The following GPC5 variants were observed in gnomAD, a reference collection of about 807,000 sequenced individuals.
GPC5 encodes glypican 5, also known as glypican-5.
GPC5 carries 47 observed loss-of-function variants against 53.9 expected under a neutral mutation model. The ratio of observed to expected loss-of-function variants is 0.87; its 90% CI spans 0.69 to 1.11. The LOEUF is 1.11. GPC5 is among the 50% of genes most tolerant of loss of function. The probability of loss-of-function intolerance (pLI) is 0.00; values close to 1 mark genes in which losing one functional copy is unlikely to be tolerated. For missense variants in GPC5, 748 were observed against 713.1 expected (o/e 1.05, Z -0.56); for synonymous variants, 286 against 263.3 (o/e 1.09, Z -0.84).
At chr13:91,882,670 G>GTTTTTTTTTTTTTTTTTTTTGGTT in intron 5 of GPC5, among the ~76,000 whole-genome samples, 1 of 59,322 alleles carries the variant, frequency 1.7e-5, no homozygotes, top group African/African-American at 7.1e-5. Context: ...TGTTTTTTGG[G>GTTTTTTTTTTTTTTTTTTTTGGTT]TTTTTTTTTT....
intron 2 of GPC5, among the ~76,000 whole-genome samples, chr13:91,647,981 G>T (rs2034602398): frequency 6.6e-6 from 1 of 152,300 alleles, no homozygotes; most frequent in East Asian, 1.9e-4. Context: ...TCTGATTGCA[G>T]AGTCAGTCAT....
intron 6 of GPC5, among the ~76,000 whole-genome samples, chr13:92,031,625 A>G (rs528660832): frequency 1.4e-5 from 2 of 139,746 alleles, no homozygotes; most frequent in East Asian, 4.0e-4. Flanking sequence ...ATATGGAACC[A>G]GCCCAAATGC....
At chr13:92,405,412 T>G (rs1162451133) in intron 7 of GPC5, among the ~76,000 whole-genome samples, 1 of 152,218 alleles carries the variant, frequency 6.6e-6, no homozygotes, top group African/African-American at 2.4e-5. Flanking sequence ...TCAACATTTT[T>G]TTGTCATCAT....
At chr13:91,785,566 C>A (rs1300854100) in intron 5 of GPC5, among the ~76,000 whole-genome samples, 1 of 152,172 alleles carries the variant, frequency 6.6e-6, no homozygotes, top group Non-Finnish European at 1.5e-5. Context: ...TATCCAACTG[C>A]TTACTTGGCA....
chr13:92,609,136 A>G lies in GPC5; in HGVS notation c.1562-257146A>G, dbSNP rs118128738. 1.4e-3 allele frequency among the ~76,000 whole-genome samples: 217 copies of G among 152,256 alleles called. 1 individual carries two copies. The highest frequency in any genetic ancestry group is 2.5e-3 in the Non-Finnish European group (170 of 68,020). On this transcript the variant is annotated intron_variant, in intron 7 of 7. Coordinates refer to ENST00000377067, the MANE Select transcript of GPC5 (RefSeq NM_004466.6). Reference sequence around the variant, plus strand: ...GTGTTGTCATACTACATTCTAGCTTATCGTTTGTATTTGAATATTGGTATC... The same window carrying G: ...GTGTTGTCATACTACATTCTAGCTTGTCGTTTGTATTTGAATATTGGTATC...
At chr13:92,161,168 C>T (rs1293788745) in intron 7 of GPC5, among the ~76,000 whole-genome samples, 3 of 152,026 alleles carry the variant, frequency 2.0e-5, no homozygotes, top group African/African-American at 7.3e-5. Flanking sequence ...ATATAACCTG[C>T]ATCAGAATGA....
At chr13:92,127,654 C>CT (rs2041710217) in intron 6 of GPC5, among the ~76,000 whole-genome samples, 1 of 152,140 alleles carries the variant, frequency 6.6e-6, no homozygotes, top group Non-Finnish European at 1.5e-5. Flanking sequence ...TTTCAGCTGT[C>CT]TAAGGGCACA....
intron 5 of GPC5, among the ~76,000 whole-genome samples, chr13:91,766,556 T>G (rs1052583801): frequency 2.6e-5 from 4 of 152,162 alleles, no homozygotes; most frequent in African/African-American, 9.7e-5. Flanking sequence ...GTGCATCACT[T>G]TTCTTAACTT....
chr13:92,437,609 T>C (rs1370805242), intron 7 of GPC5, among the ~76,000 whole-genome samples: 2 of 152,164 alleles, frequency 1.3e-5, no homozygotes, highest in Non-Finnish European at 2.9e-5. Context: ...TTTTAGGAAG[T>C]ATGCTATATT....
intron 6 of GPC5, among the ~76,000 whole-genome samples, chr13:91,957,593 A>G (rs1216325897): frequency 6.6e-6 from 1 of 152,210 alleles, no homozygotes; most frequent in Non-Finnish European, 1.5e-5. Context: ...TAAAGGAACA[A>G]TCAGCAGATT....
chr13:91,691,908 A>T (rs186474963), intron 2 of GPC5, among the ~76,000 whole-genome samples: 1 of 152,170 alleles, frequency 6.6e-6, no homozygotes, highest in African/African-American at 2.4e-5. Flanking sequence ...GGTTGGGACT[A>T]TAGGAGATAA....
At chr13:91,706,543 T>C (rs1002595831) in intron 3 of GPC5, among the ~76,000 whole-genome samples, 1 of 152,194 alleles carries the variant, frequency 6.6e-6, no homozygotes, top group Non-Finnish European at 1.5e-5. Context: ...TTTAGAGTCA[T>C]ATTTTTAATT....
intron 7 of GPC5, among the ~76,000 whole-genome samples, chr13:92,281,489 G>A (rs2042915236): frequency 6.6e-6 from 1 of 152,170 alleles, no homozygotes; most frequent in African/African-American, 2.4e-5. Context: ...TAACTGGGAG[G>A]TACACCCCAG....
intron 7 of GPC5, among the ~76,000 whole-genome samples, chr13:92,501,572 T>C (rs375546037): frequency 3.9e-5 from 6 of 151,976 alleles, no homozygotes; most frequent in African/African-American, 1.5e-4. Context: ...GTGAAACATA[T>C]AAACCTGCAG....
intron 7 of GPC5, among the ~76,000 whole-genome samples, chr13:92,722,110 A>T (rs1342924701): frequency 6.6e-6 from 1 of 151,988 alleles, no homozygotes; most frequent in Non-Finnish European, 1.5e-5. Context: ...ATAACAATGC[A>T]TTCTTCCAGG....
Position 92,635,313 on chromosome 13 carries a change from C to T in GPC5, c.1562-230969C>T, listed in dbSNP as rs190144953. On this transcript the variant is annotated intron_variant, in intron 7 of 7. Coordinates refer to ENST00000377067, the MANE Select transcript of GPC5 (RefSeq NM_004466.6). ...CATGTTATGCTGCTATAACAGAATACCACAGACTGGGTAATTTATTTAAAA... is the reference window on the plus strand; with the variant it reads ...CATGTTATGCTGCTATAACAGAATATCACAGACTGGGTAATTTATTTAAAA... Among the ~76,000 whole-genome samples, 13 of 152,222 alleles carry T rather than the reference C, an allele frequency of 8.5e-5. No individual in the cohort carries two copies. In the East Asian group the frequency reaches 1.7e-3, roughly 20 times the overall value.
intron 1 of GPC5, among the ~76,000 whole-genome samples, chr13:91,422,645 G>A (rs199505380): frequency 3.4e-5 from 5 of 148,740 alleles, no homozygotes; most frequent in South Asian, 2.1e-4. Context: ...AAAGAAAAAA[G>A]AAAAAAAAAA....
rs145164084 is a variant in GPC5 at position 92,546,613 on chromosome 13, A to G, written c.1562-319669A>G. On this transcript the variant is annotated intron_variant, in intron 7 of 7. Coordinates refer to ENST00000377067, the MANE Select transcript of GPC5 (RefSeq NM_004466.6). ...CTGTCCAAGGTAATTTATAGATTCA[A>G]TGCCATCCCCATCAAATTACCAATG... is the stretch of plus-strand genomic sequence containing the variant. Among the ~76,000 whole-genome samples the G allele has an allele frequency of 9.1e-3, 1,379 of 152,312 alleles. 27 individuals are homozygous for G. Among genetic ancestry groups the G allele is most frequent in the African/African-American group, 0.031 (1,294 of 41,558 alleles).
chr13:91,882,122 C>A (rs896521495), intron 5 of GPC5, among the ~76,000 whole-genome samples: 3 of 151,920 alleles, frequency 2.0e-5, no homozygotes, highest in African/African-American at 7.3e-5. Flanking sequence ...TTTAAATACT[C>A]TGAGGAGGGT....
Sources: gnomAD v4.1 joint callset for allele counts (sites outside exome capture counted in the v4.1 genomes callset) on GRCh38, gnomAD v4.1.1 for gene constraint, MANE v1.5 for transcripts, NCBI Gene and HGNC (gene_info 2026-07-23, HGNC 2026-07-21) for gene names.